Variants in SGCZ observed in about 807,000 individuals in gnomAD.
SGCZ encodes sarcoglycan zeta.
A neutral mutation model predicts 41.3 loss-of-function variants in SGCZ; 40 were observed. The observed-to-expected ratio is 0.97, with a 90% CI of 0.75 to 1.26. The LOEUF (loss-of-function observed/expected upper bound fraction) is 1.26. Among genes scored for constraint, SGCZ ranks in the 50% most tolerant of loss-of-function variants. The pLI is 0.00. For synonymous variants in SGCZ, 206 were observed against 137.5 expected, an observed-to-expected ratio of 1.50 and a Z score of -3.49; for missense variants, 552 against 369.8, an observed-to-expected ratio of 1.49 and a Z score of -4.04.
chr8:14,655,827 G>A (rs1158834981), intron 1 of SGCZ, among the ~76,000 whole-genome samples: 2 of 151,962 alleles, frequency 1.3e-5, no homozygotes, highest in Non-Finnish European at 2.9e-5. Flanking sequence ...CTAGAATGTT[G>A]TCATTTAGGA....
chr8:14,895,524 C>T (rs1009657487), intron 1 of SGCZ, among the ~76,000 whole-genome samples: 1 of 152,046 alleles, frequency 6.6e-6, no homozygotes, highest in Non-Finnish European at 1.5e-5. Context: ...ACATTCCCCA[C>T]TCCCCCCAAA....
chr8:14,447,374 G>A (rs1162325676), intron 2 of SGCZ, among the ~76,000 whole-genome samples: 5 of 151,992 alleles, frequency 3.3e-5, no homozygotes, highest in Admixed American at 1.3e-4. Flanking sequence ...TATGTTACTT[G>A]GGTAAAAAAT....
chr8:14,887,639 G>C (rs1282642163), intron 1 of SGCZ, among the ~76,000 whole-genome samples: 2 of 152,032 alleles, frequency 1.3e-5, no homozygotes, highest in African/African-American at 4.8e-5. Flanking sequence ...GAATAATTTT[G>C]ATAACTAGAT....
intron 2 of SGCZ, among the ~76,000 whole-genome samples, chr8:14,376,852 G>A (rs1804150845): frequency 6.6e-6 from 1 of 152,178 alleles, no homozygotes; most frequent in South Asian, 2.1e-4. Context: ...ATTTATTTAT[G>A]TAATGCAATG....
At chr8:14,595,015 A>C (rs1241566238) in intron 1 of SGCZ, among the ~76,000 whole-genome samples, 2 of 151,654 alleles carry the variant, frequency 1.3e-5, no homozygotes, top group African/African-American at 4.9e-5. Flanking sequence ...TTTTTTCTGT[A>C]GTAAAATACT....
chr8:15,168,049 G>C (rs565820708), intron 1 of SGCZ, among the ~76,000 whole-genome samples: 1 of 152,198 alleles, frequency 6.6e-6, no homozygotes, highest in African/African-American at 2.4e-5. Context: ...CAGCTATCTG[G>C]GTATGTCACA....
At chr8:14,859,587 A>G (rs1254220445) in intron 1 of SGCZ, among the ~76,000 whole-genome samples, 1 of 152,074 alleles carries the variant, frequency 6.6e-6, no homozygotes. Context: ...AATAATGCCA[A>G]TTGTCCCAAT....
At chr8:15,041,929 G>A (rs930944395) in intron 1 of SGCZ, among the ~76,000 whole-genome samples, 2 of 152,068 alleles carry the variant, frequency 1.3e-5, no homozygotes, top group African/African-American at 2.4e-5. Context: ...CCTTTTCAAC[G>A]ATGAAACTAA....
chr8:14,417,799 ATGTG>A (rs57375453), intron 2 of SGCZ, among the ~76,000 whole-genome samples: 85,640 of 151,130 alleles, frequency 0.57, 25,093 homozygotes, highest in South Asian at 0.74. Flanking sequence ...TCATTTCACA[ATGTG>A]TATGTATATT....
At chr8:15,064,930 A>G (rs1394079858) in intron 1 of SGCZ, among the ~76,000 whole-genome samples, 1 of 152,160 alleles carries the variant, frequency 6.6e-6, no homozygotes, top group Admixed American at 6.5e-5. Flanking sequence ...TCTACTTGAC[A>G]TCAGTTGCGG....
At chr8:14,219,505 T>C (rs1005332187) in intron 4 of SGCZ, among the ~76,000 whole-genome samples, 3 of 152,124 alleles carry the variant, frequency 2.0e-5, no homozygotes, top group Admixed American at 2.0e-4. Flanking sequence ...TTCCAGCACT[T>C]TGGGAAGCGG....
chr8:14,503,900 T>C, intron 2 of SGCZ, among the ~76,000 whole-genome samples: 1 of 152,212 alleles, frequency 6.6e-6, no homozygotes, highest in East Asian at 1.9e-4. Context: ...CTTTGAAGTT[T>C]AAAATATTAT....
At chr8:14,435,428 G>A (rs78921953) in intron 2 of SGCZ, among the ~76,000 whole-genome samples, 1,665 of 152,166 alleles carry the variant, frequency 0.011, 19 homozygotes, top group Middle Eastern at 0.024. Flanking sequence ...AGTTTTAATT[G>A]TTTACACACA....
At chr8:15,188,291 G>C (rs1469209763) in intron 1 of SGCZ, among the ~76,000 whole-genome samples, 3 of 152,186 alleles carry the variant, frequency 2.0e-5, no homozygotes, top group East Asian at 3.9e-4. Context: ...AATCCTATGA[G>C]TTTATAAACT....
intron 1 of SGCZ, among the ~76,000 whole-genome samples, chr8:14,957,247 A>G (rs367862550): frequency 1.3e-5 from 2 of 152,266 alleles, no homozygotes; most frequent in East Asian, 3.9e-4. Flanking sequence ...AATATGTATT[A>G]ACATATGCAT....
At chr8:15,074,573 A>C (rs1805464253) in intron 1 of SGCZ, among the ~76,000 whole-genome samples, 1 of 152,140 alleles carries the variant, frequency 6.6e-6, no homozygotes, top group African/African-American at 2.4e-5. Context: ...ATAATACAGC[A>C]TACAAGCCAT....
chr8:14,945,990 C>A (rs1800428114), intron 1 of SGCZ, among the ~76,000 whole-genome samples: 1 of 105,804 alleles, frequency 9.5e-6, no homozygotes, highest in Non-Finnish European at 1.8e-5. Flanking sequence ...AGCCAATTCC[C>A]CTACTAAATG....
At chr8:15,206,532 C>T (rs886955552) in intron 1 of SGCZ, among the ~76,000 whole-genome samples, 1 of 150,906 alleles carries the variant, frequency 6.6e-6, no homozygotes, top group Non-Finnish European at 1.5e-5. Context: ...TCACTGCAAC[C>T]TCTGCCTCCT....
At chr8:15,232,902 A>C (rs1355024929) in intron 1 of SGCZ, among the ~76,000 whole-genome samples, 3 of 151,498 alleles carry the variant, frequency 2.0e-5, no homozygotes, top group Non-Finnish European at 4.4e-5. Context: ...AGCTTCCTTT[A>C]ATTTTTTCCA....
Sources: allele counts gnomAD v4.1 joint callset (sites outside exome capture counted in the v4.1 genomes callset), GRCh38; gene constraint gnomAD v4.1.1; transcripts MANE v1.5; gene names NCBI Gene and HGNC (gene_info 2026-07-23, HGNC 2026-07-21).